GALM: variants seen among roughly 807,000 people sequenced by gnomAD.
GALM encodes the protein galactose mutarotase, also known as aldose 1-epimerase.
A neutral mutation model predicts 37.4 loss-of-function variants in GALM; 43 were observed. That is an observed-to-expected ratio of 1.15 (90% CI 0.90 to 1.48). The LOEUF is 1.48. Ranked by LOEUF, GALM falls within the 40% of genes most tolerant of loss-of-function variation. GALM has a pLI of 0.00. For synonymous variants in GALM, 199 were observed against 170.6 expected (o/e 1.17, Z -1.30); for missense variants, 456 against 419.1 (o/e 1.09, Z -0.77).
At chr2:38,688,181 C>T (rs577550418) in intron 3 of GALM, among the ~76,000 whole-genome samples, 3 of 150,214 alleles carry the variant, frequency 2.0e-5, no homozygotes, top group Admixed American at 6.7e-5. Context: ...TACTTCACTC[C>T]GGCCTGGGCG....
intron 4 of GALM, among the ~76,000 whole-genome samples, chr2:38,704,802 C>T (rs549559575): frequency 6.6e-6 from 1 of 152,132 alleles, no homozygotes; most frequent in South Asian, 2.1e-4. Flanking sequence ...TAGGTCCCTG[C>T]TAGATAGTAT....
chr2:38,673,967 AAT>A (rs58217153), intron 1 of GALM, among the ~76,000 whole-genome samples: 37,444 of 151,936 alleles, frequency 0.25, 5,117 homozygotes, highest in East Asian at 0.53. Context: ...CTTTATATGG[AAT>A]ATGTGTGTTT....
At chr2:38,731,227 A>G (rs1304860089) in intron 5 of GALM, among the ~76,000 whole-genome samples, 1 of 151,918 alleles carries the variant, frequency 6.6e-6, no homozygotes, top group Non-Finnish European at 1.5e-5. Context: ...ACTCCATCTC[A>G]AAACAAACAA....
intron 4 of GALM, among the ~76,000 whole-genome samples, chr2:38,699,217 G>A (rs558256031): frequency 9.2e-5 from 14 of 152,124 alleles, no homozygotes; most frequent in African/African-American, 2.9e-4. Flanking sequence ...CCTGGCCCCA[G>A]CTGTTATTAT....
intron 4 of GALM, among the ~76,000 whole-genome samples, chr2:38,721,639 T>TA (rs1240246686): frequency 3.3e-5 from 5 of 152,026 alleles, no homozygotes; most frequent in African/African-American, 4.8e-5. Context: ...TCAGCCTCCC[T>TA]AGTAGCTGGG....
chr2:38,727,320 C>T (rs1666506639), intron 4 of GALM, among the ~76,000 whole-genome samples: 1 of 152,098 alleles, frequency 6.6e-6, no homozygotes, highest in South Asian at 2.1e-4. Flanking sequence ...GCCTGGACCT[C>T]AGTGTCTCAC....
intron 3 of GALM, 59 bp from the exon 4 acceptor site, chr2:38,689,754 A>G: frequency 9.6e-7 from 1 of 1,040,098 alleles, no homozygotes; most frequent in Non-Finnish European, 1.4e-6. Context: ...GATAAGTTAA[A>G]AAACAAATAT....
intron 2 of GALM, among the ~76,000 whole-genome samples, chr2:38,677,849 CATA>C (rs1461516864): frequency 6.6e-6 from 1 of 151,394 alleles, no homozygotes; most frequent in East Asian, 2.0e-4. Flanking sequence ...CCACAAGCAC[CATA>C]ACAAGCCAGA....
chr2:38,683,333 A>G (rs151272003), intron 3 of GALM, among the ~76,000 whole-genome samples: 3 of 152,328 alleles, frequency 2.0e-5, no homozygotes, highest in East Asian at 3.9e-4. Context: ...AGCGCGGTCA[A>G]TGAACTTCCT....
At chr2:38,717,589 AG>A (rs1364149383) in intron 4 of GALM, among the ~76,000 whole-genome samples, 1 of 151,918 alleles carries the variant, frequency 6.6e-6, no homozygotes, top group Non-Finnish European at 1.5e-5. Context: ...TAGCAGAAAC[AG>A]GGTTTTGCCG....
At chr2:38,715,621 A>G (rs1486902293) in intron 4 of GALM, among the ~76,000 whole-genome samples, 1 of 152,076 alleles carries the variant, frequency 6.6e-6, no homozygotes, top group Non-Finnish European at 1.5e-5. Context: ...TATTTTTTGT[A>G]GAGACAGGGT....
intron 1 of GALM, among the ~76,000 whole-genome samples, chr2:38,667,889 T>A (rs1229964435): frequency 6.6e-6 from 1 of 152,194 alleles, no homozygotes; most frequent in Non-Finnish European, 1.5e-5. Context: ...GTGTAACAGC[T>A]GACCATAAAG....
chr2:38,687,574 G>T (rs562409297), intron 3 of GALM, among the ~76,000 whole-genome samples: 1 of 151,954 alleles, frequency 6.6e-6, no homozygotes, highest in African/African-American at 2.4e-5. Flanking sequence ...GCCTAGCATG[G>T]TGGTGGGCAC....
intron 4 of GALM, among the ~76,000 whole-genome samples, chr2:38,697,915 C>T (rs1665843449): frequency 6.6e-6 from 1 of 151,988 alleles, no homozygotes; most frequent in African/African-American, 2.4e-5. Flanking sequence ...TGTTTTGCTC[C>T]TGCCTTCTTC....
intron 2 of GALM, among the ~76,000 whole-genome samples, chr2:38,681,022 CT>C (rs1319299211): frequency 6.6e-6 from 1 of 151,822 alleles, no homozygotes; most frequent in Non-Finnish European, 1.5e-5. Context: ...TGTAATCATA[CT>C]CGGGAGGCTG....
chr2:38,684,582 G>C (rs1234398446), intron 3 of GALM, among the ~76,000 whole-genome samples: 1 of 152,182 alleles, frequency 6.6e-6, no homozygotes, highest in Non-Finnish European at 1.5e-5. Flanking sequence ...AAGGTGGGCA[G>C]ATCACTTGAG....
intron 3 of GALM, among the ~76,000 whole-genome samples, chr2:38,683,245 A>G (rs1049409226): frequency 3.1e-4 from 47 of 152,176 alleles, no homozygotes; most frequent in Admixed American, 2.9e-3. Flanking sequence ...CCAATCCTGC[A>G]GGGACTTGGA....
chr2:38,678,017 CTTTTTT>C (rs372206191), intron 2 of GALM, among the ~76,000 whole-genome samples: 5 of 138,316 alleles, frequency 3.6e-5, no homozygotes, highest in African/African-American at 1.1e-4. Flanking sequence ...ACTTTGAACT[CTTTTTT>C]TTTTTTTTTT....
At chr2:38,720,182 C>T (rs928715463) in intron 4 of GALM, among the ~76,000 whole-genome samples, 5 of 151,942 alleles carry the variant, frequency 3.3e-5, no homozygotes, top group East Asian at 1.9e-4. Flanking sequence ...CACCGCACTC[C>T]GCCTAGGTGA....
Sources: gnomAD v4.1 joint callset for allele counts (sites outside exome capture counted in the v4.1 genomes callset) on GRCh38, gnomAD v4.1.1 for gene constraint, MANE v1.5 for transcripts, NCBI Gene and HGNC (gene_info 2026-07-23, HGNC 2026-07-21) for gene names.